The following HERC5 variants were observed in gnomAD, a reference collection of about 807,000 sequenced individuals.
The protein encoded by HERC5 is E3 ISG15--protein ligase HERC5.
HERC5 carries 99 observed loss-of-function variants against 119.6 expected under a neutral mutation model. That is an observed-to-expected ratio of 0.83 (90% CI 0.70 to 0.98). HERC5 has a LOEUF of 0.98. Among genes scored for constraint, HERC5 ranks in the 50% least tolerant of loss-of-function variants. The pLI is 0.00. For missense variants in HERC5, 1,267 were observed against 1,241.3 expected (o/e 1.02, Z -0.31); for synonymous variants, 478 against 445.9 (o/e 1.07, Z -0.91).
At chr4:88,462,461 A>G in intron 4 of HERC5, 105 bp downstream of exon 4, 6 of 899,152 alleles carry the variant, frequency 6.7e-6, no homozygotes, top group Non-Finnish European at 1.0e-5. Context: ...TTTCATTTTC[A>G]CTGCTCTTCC....
intron 11 of HERC5, chr4:88,473,940 A>G (rs988976679): frequency 2.0e-5 from 3 of 152,254 alleles, no homozygotes; most frequent in Non-Finnish European, 4.4e-5. Context: ...TTGTTTCAGA[A>G]TAAGATGATT....
At chr4:88,482,655 A>G (rs1046467073) in intron 13 of HERC5, among the ~76,000 whole-genome samples, 1 of 152,184 alleles carries the variant, frequency 6.6e-6, no homozygotes, top group Non-Finnish European at 1.5e-5. Flanking sequence ...TGGGCTGAAA[A>G]TAGACAGGTC....
At chr4:88,479,591 A>G (rs1221019592) in intron 13 of HERC5, 84 bp downstream of exon 13, 1 of 1,162,904 alleles carries the variant, frequency 8.6e-7, no homozygotes, top group African/African-American at 1.6e-5. Flanking sequence ...CTTTAAGTAG[A>G]CTCGTGTGAG....
intron 22 of HERC5, 24 bp downstream of exon 22, chr4:88,504,621 A>T (rs1213777986): frequency 1.6e-5 from 22 of 1,372,154 alleles, no homozygotes; most frequent in Non-Finnish European, 2.2e-5. Flanking sequence ...CAAGGAATAG[A>T]TCTGTAATCG....
chr4:88,489,092 C>A, intron 15 of HERC5, 74 bp from the exon 16 acceptor site: 1 of 1,295,462 alleles, frequency 7.7e-7, no homozygotes, highest in Non-Finnish European at 1.1e-6. Flanking sequence ...CCAGTTTATT[C>A]TGCTTTCCAA....
Position 88,467,153 on chromosome 4 carries a change from C to A in HERC5, c.1006C>A (p.Gln336Lys). The change falls in exon 7 of 23, where the codon CAG becomes AAG. Residue 336 changes from glutamine (Q) to lysine (K), a missense_variant. Physicochemically the swap from Gln to Lys is moderately conservative, Grantham distance 53 (BLOSUM62 1). This residue lies in a region of HERC5 where 777 missense variants were observed against 758.0 expected (regional missense o/e 1.03). Transcript: ENST00000264350. ...ACTGGGAAATGGTGGAACACGTGAC[C>A]AGCTGATGCCGCTTCCAGTGAAAGT... ...GQLGNGGTRDQLMPLPVKVSS... is the reference protein window; with the variant it reads ...GQLGNGGTRDKLMPLPVKVSS... The A allele has an allele frequency of 6.2e-7, 1 of 1,614,126 alleles. No homozygotes were observed. The highest frequency in any genetic ancestry group is 8.5e-7 in the Non-Finnish European group (1 of 1,180,006).
At position 88,462,166 on chromosome 4, in the gene HERC5, G is replaced by A; in HGVS notation, c.498G>A (p.Leu166=). The change falls in exon 4 of 23, where the codon CTG becomes CTA. Residue 166 remains leucine, a synonymous_variant. Transcript: ENST00000264350. The part of the protein sequence containing the change: ...GGELFAWGQN[L]HGQLGVGRKF... The stretch of plus-strand genomic sequence containing the variant: ...AGCTTTTTGCCTGGGGACAGAACCT[G>A]CATGGGCAGCTTGGAGTTGGAAGGA... 1.2e-6 allele frequency: 2 copies of A among 1,614,064 alleles called. No homozygotes were observed. Among genetic ancestry groups the A allele is most frequent in the Non-Finnish European group, 1.7e-6 (2 of 1,179,976 alleles).
rs1021573876 is a variant in HERC5 at position 88,457,297 on chromosome 4, C to T, written c.28C>T (p.Arg10Trp). 27 of 1,360,158 alleles carry T rather than the reference C, an allele frequency of 2.0e-5. No individual in the cohort carries two copies. The highest frequency in any genetic ancestry group is 2.5e-5 in the Non-Finnish European group (27 of 1,062,694). 84.3% of individuals were successfully genotyped at this position (1,360,158 alleles called of 1,614,324 possible). The change falls in exon 1 of 23, where the codon CGG becomes TGG. Residue 10 changes from arginine to tryptophan, a missense_variant. This residue lies in a region of HERC5 where 777 missense variants were observed against 758.0 expected (regional missense o/e 1.03). Coordinates refer to ENST00000264350, the MANE Select transcript of HERC5 (RefSeq NM_016323.4). ...GGAGCGGAGGTCGCGGAGGAAGTCGCGGCGCAACGGGCGCTCGACCGCGGG... is the reference window on the plus strand; with the variant it reads ...GGAGCGGAGGTCGCGGAGGAAGTCGTGGCGCAACGGGCGCTCGACCGCGGG... Reference protein sequence around the residue: MERRSRRKSRRNGRSTAGKA... With the variant: MERRSRRKSWRNGRSTAGKA...
chr4:88,470,668 G>T lies in HERC5; in HGVS notation c.1293G>T (p.Arg431Ser). ...SPACLTGSFL[R>S]KRRTTEMMPV... ...CTTGTCTAACTGGAAGTTTTTTAAG[G>T]AAAAGGTAATATATGTAATAAATTA... Residue 431 changes from arginine (R) to serine (S), a missense_variant, in exon 10 of 23, where the codon AGG (arginine) becomes AGT (serine). Physicochemically the swap from Arg to Ser is moderately radical, Grantham distance 110. Around this residue, in one of 3 missense-constraint regions of HERC5, gnomAD observed 777 missense variants for 758.0 expected, o/e 1.03. Coordinates refer to ENST00000264350, the MANE Select transcript of HERC5 (RefSeq NM_016323.4). 7.2e-7 allele frequency: 1 copy of T among 1,389,258 alleles called. No homozygotes were observed. Among genetic ancestry groups the T allele is most frequent in the South Asian group, 1.2e-5 (1 of 84,606 alleles). The allele number at this position is 1,389,258 out of a possible 1,614,324, so 86.1% of individuals were successfully genotyped here.
intron 6 of HERC5, 79 bp from the exon 7 acceptor site, chr4:88,466,980 T>C (rs1740690584): frequency 4.3e-6 from 6 of 1,402,278 alleles, no homozygotes; most frequent in Non-Finnish European, 6.0e-6. Flanking sequence ...TAACATAGTT[T>C]TGGCAATTTA....
intron 16 of HERC5, among the ~76,000 whole-genome samples, chr4:88,492,072 T>C (rs1474390169): frequency 1.3e-5 from 2 of 152,084 alleles, no homozygotes; most frequent in Non-Finnish European, 2.9e-5. Flanking sequence ...GGTGCGACCT[T>C]GGCTCATGGC....
chr4:88,497,277 C>A (rs538763225), intron 18 of HERC5, among the ~76,000 whole-genome samples: 1 of 152,158 alleles, frequency 6.6e-6, no homozygotes, highest in African/African-American at 2.4e-5. Context: ...TAGAGCAGTT[C>A]TGGCAAGGGC....
At chr4:88,475,117 C>CTTTTTTTTTTTTTTTTTGTTTTTTTTTT (rs764084976) in intron 11 of HERC5, among the ~76,000 whole-genome samples, 1 of 109,952 alleles carries the variant, frequency 9.1e-6, no homozygotes, top group African/African-American at 3.3e-5. Context: ...CGGATTTTGT[C>CTTTTTTTTTTTTTTTTTGTTTTTTTTTT]TTTTTTTTTT....
At chr4:88,466,845 C>T (rs1317082545) in intron 6 of HERC5, among the ~76,000 whole-genome samples, 2 of 152,124 alleles carry the variant, frequency 1.3e-5, no homozygotes, top group African/African-American at 4.8e-5. Flanking sequence ...ACACCATTTG[C>T]CAAAGTATGA....
chr4:88,504,616 A>C lies in HERC5; in HGVS notation c.2869+19A>C. The C allele has an allele frequency of 7.1e-7, 1 of 1,409,016 alleles. No homozygotes were observed. Among genetic ancestry groups the C allele is most frequent in the East Asian group, 2.3e-5 (1 of 42,910 alleles). 87.3% of individuals were successfully genotyped at this position (1,409,016 alleles called of 1,614,324 possible). On this transcript the variant is annotated intron_variant, in intron 22 of 22. Coordinates refer to ENST00000264350, the MANE Select transcript of HERC5 (RefSeq NM_016323.4). The stretch of plus-strand genomic sequence containing the variant: ...TTCCTTGGTAAGTATTATATCAAGG[A>C]ATAGATCTGTAATCGTATGTCTTTT...
intron 19 of HERC5, 84 bp downstream of exon 19, chr4:88,500,076 T>G (rs2149109024): frequency 4.8e-6 from 4 of 836,278 alleles, no homozygotes; most frequent in East Asian, 5.0e-5. Flanking sequence ...CAACTTTTAC[T>G]TAAAAAAAAA....
At chr4:88,461,525 G>A (rs921181210) in intron 3 of HERC5, among the ~76,000 whole-genome samples, 2 of 152,168 alleles carry the variant, frequency 1.3e-5, no homozygotes, top group African/African-American at 4.8e-5. Context: ...CTTGCAAAGA[G>A]ATTCCAGTAA....
intron 12 of HERC5, among the ~76,000 whole-genome samples, chr4:88,479,129 AC>A (rs1209403227): frequency 6.6e-6 from 1 of 151,974 alleles, no homozygotes; most frequent in African/African-American, 2.4e-5. Flanking sequence ...CTATAAAAAT[AC>A]AAAAATTAGC....
At chr4:88,480,833 C>A (rs956467254) in intron 13 of HERC5, among the ~76,000 whole-genome samples, 1 of 152,150 alleles carries the variant, frequency 6.6e-6, no homozygotes, top group African/African-American at 2.4e-5. Flanking sequence ...CTGTCCTTGA[C>A]TTTTGTTCAT....
Sources: allele counts gnomAD v4.1 joint callset (sites outside exome capture counted in the v4.1 genomes callset), GRCh38; gene constraint gnomAD v4.1.1; regional missense constraint gnomAD v4.1.1; transcripts MANE v1.5; gene names NCBI Gene and HGNC (gene_info 2026-07-23, HGNC 2026-07-21).